The following SMIM36 variants were observed in gnomAD, a reference collection of about 807,000 sequenced individuals.
SMIM36 encodes small integral membrane protein 36.
At chr17:55,494,231 TC>T (rs1195734741) in intron 1 of SMIM36, among the ~76,000 whole-genome samples, 1 of 152,114 alleles carries the variant, frequency 6.6e-6, no homozygotes, top group East Asian at 1.9e-4. Context: ...AGACACGCAC[TC>T]CTTTTTTGAG....
At chr17:55,472,275 C>T (rs78136481) in intron 3 of SMIM36, among the ~76,000 whole-genome samples, 12,292 of 152,302 alleles carry the variant, frequency 0.081, 536 homozygotes, top group South Asian at 0.14. Flanking sequence ...CCTCCATTAT[C>T]GAAGCTGCTG....
chr17:55,459,907 G>T (rs1909106736), intron 4 of SMIM36, among the ~76,000 whole-genome samples: 1 of 152,148 alleles, frequency 6.6e-6, no homozygotes, highest in African/African-American at 2.4e-5. Flanking sequence ...TAAGGCAGGG[G>T]GATTGTGCCT....
At chr17:55,452,102 CAAAAA>C (rs1156887430) in intron 4 of SMIM36, among the ~76,000 whole-genome samples, 24 of 51,754 alleles carry the variant, frequency 4.6e-4, no homozygotes, top group African/African-American at 1.8e-3. Context: ...TCAATCTCTA[CAAAAA>C]AAAAAAAAAA....
the SMIM36 span, among the ~76,000 whole-genome samples, chr17:55,519,864 T>A: frequency 6.6e-6 from 1 of 152,236 alleles, no homozygotes; most frequent in Non-Finnish European, 1.5e-5. Flanking sequence ...GGGTTGTAAA[T>A]CACCTACTTA....
chr17:55,466,423 G>A (rs1420312235), intron 4 of SMIM36, among the ~76,000 whole-genome samples: 2 of 152,060 alleles, frequency 1.3e-5, no homozygotes, highest in Admixed American at 6.6e-5. Flanking sequence ...TAGATGCTAC[G>A]TGTGGGAGTT....
the SMIM36 span, among the ~76,000 whole-genome samples, chr17:55,517,716 T>C: frequency 6.6e-6 from 1 of 152,210 alleles, no homozygotes; most frequent in African/African-American, 2.4e-5. Flanking sequence ...GAATCAAGAG[T>C]TATCCTTAGG....
At chr17:55,490,770 G>A (rs1909688092) in intron 1 of SMIM36, among the ~76,000 whole-genome samples, 1 of 152,102 alleles carries the variant, frequency 6.6e-6, no homozygotes, top group African/African-American at 2.4e-5. Context: ...AGAAAAAGGT[G>A]TCAACTTGTA....
chr17:55,463,070 C>G (rs1469002010), intron 4 of SMIM36, among the ~76,000 whole-genome samples: 1 of 152,126 alleles, frequency 6.6e-6, no homozygotes, highest in Non-Finnish European at 1.5e-5. Context: ...TCCACATGAT[C>G]CTCCAGGCTA....
chr17:55,505,864 C>T (rs2144721544), intron 1 of SMIM36, among the ~76,000 whole-genome samples: 1 of 111,450 alleles, frequency 9.0e-6, no homozygotes, highest in East Asian at 2.7e-4. Context: ...AGCTGATAAG[C>T]AACTTCAGCA....
chr17:55,451,862 C>T (rs906078715), intron 4 of SMIM36, among the ~76,000 whole-genome samples: 7 of 152,010 alleles, frequency 4.6e-5, no homozygotes, highest in African/African-American at 1.7e-4. Flanking sequence ...TTTGGGAGGC[C>T]AAGGCAGGAG....
At chr17:55,500,764 T>C (rs1909897098) in intron 1 of SMIM36, among the ~76,000 whole-genome samples, 1 of 111,018 alleles carries the variant, frequency 9.0e-6, no homozygotes, top group Admixed American at 1.3e-4. Context: ...TTATGTTTTA[T>C]ATTTTATAAT....
chr17:55,455,701 G>T (rs1399265357), intron 4 of SMIM36, among the ~76,000 whole-genome samples: 1 of 152,156 alleles, frequency 6.6e-6, no homozygotes, highest in Non-Finnish European at 1.5e-5. Flanking sequence ...GCTGAAGTGG[G>T]AGGATTGCTT....
intron 1 of SMIM36, among the ~76,000 whole-genome samples, chr17:55,479,894 T>C (rs1422606781): frequency 1.3e-5 from 2 of 152,112 alleles, no homozygotes; most frequent in Non-Finnish European, 2.9e-5. Context: ...CCTTCAACAC[T>C]GGAGAACACT....
chr17:55,520,802 T>C, the SMIM36 span, among the ~76,000 whole-genome samples: 2,691 of 152,318 alleles, frequency 0.018, 87 homozygotes, highest in African/African-American at 0.062. Context: ...GGGAAGCCAC[T>C]GCAATAGTAG....
At chr17:55,516,554 CTTTTTTTTTTTTTTT>C in the SMIM36 span, among the ~76,000 whole-genome samples, 1 of 98,558 alleles carries the variant, frequency 1.0e-5, no homozygotes, top group African/African-American at 4.6e-5. Flanking sequence ...AACAGTCTTC[CTTTTTTTTTTTTTTT>C]TTTTTTTTTG....
chr17:55,484,395 T>C (rs995366485), intron 1 of SMIM36, among the ~76,000 whole-genome samples: 3 of 152,210 alleles, frequency 2.0e-5, no homozygotes, highest in African/African-American at 7.2e-5. Flanking sequence ...TCGAATGTAA[T>C]AATTGATTCA....
intron 1 of SMIM36, among the ~76,000 whole-genome samples, chr17:55,494,107 TA>T (rs1283914853): frequency 6.6e-6 from 1 of 152,280 alleles, no homozygotes; most frequent in Non-Finnish European, 1.5e-5. Flanking sequence ...ACAATGGATG[TA>T]AAAATCCTCT....
intron 1 of SMIM36, among the ~76,000 whole-genome samples, chr17:55,500,263 T>G (rs1909884757): frequency 6.6e-6 from 1 of 152,098 alleles, no homozygotes; most frequent in South Asian, 2.1e-4. Context: ...TAGCTGGGAC[T>G]ACAGGTGCCA....
chr17:55,493,808 CAAAAAAAAAAAAAAAA>C (rs10555912), intron 1 of SMIM36, among the ~76,000 whole-genome samples: 1 of 65,086 alleles, frequency 1.5e-5, no homozygotes, highest in African/African-American at 5.4e-5. Flanking sequence ...CTCTCTCTCT[CAAAAAAAAAAAAAAAA>C]AAAAAAAAAA....
Sources: gnomAD v4.1 joint callset for allele counts (sites outside exome capture counted in the v4.1 genomes callset) on GRCh38, gnomAD v4.1.1 for gene constraint, MANE v1.5 for transcripts, NCBI Gene and HGNC (gene_info 2026-07-23, HGNC 2026-07-21) for gene names.